The following CAMK1D variants were observed in gnomAD, a reference collection of about 807,000 sequenced individuals.
The protein encoded by CAMK1D is calcium/calmodulin-dependent protein kinase type 1D.
In CAMK1D, 9 loss-of-function variants were observed where a neutral mutation model predicts 47.7. The observed-to-expected ratio is 0.19, with a 90% CI of 0.11 to 0.33. The LOEUF (loss-of-function observed/expected upper bound fraction) is 0.33. CAMK1D is among the 10% of genes least tolerant of loss of function. The pLI is 1.00. For missense variants in CAMK1D, 291 were observed against 488.7 expected (o/e 0.60, Z 3.81); for synonymous variants, 184 against 184.9 (o/e 0.99, Z 0.04).
At chr10:12,741,293 T>A (rs1835415376) in intron 3 of CAMK1D, among the ~76,000 whole-genome samples, 1 of 152,198 alleles carries the variant, frequency 6.6e-6, no homozygotes, top group Non-Finnish European at 1.5e-5. Context: ...GACCACATGC[T>A]CTTGTAACAG....
intron 6 of CAMK1D, among the ~76,000 whole-genome samples, chr10:12,796,912 A>T (rs924558459): frequency 3.5e-4 from 54 of 152,314 alleles, no homozygotes; most frequent in African/African-American, 1.2e-3. Context: ...AAAAGACTGG[A>T]CTGTCCACTT....
At chr10:12,721,350 G>A (rs1260071010) in intron 3 of CAMK1D, among the ~76,000 whole-genome samples, 4 of 152,148 alleles carry the variant, frequency 2.6e-5, no homozygotes, top group Non-Finnish European at 5.9e-5. Flanking sequence ...ACACCTTCTG[G>A]AACTCCATAC....
intron 3 of CAMK1D, among the ~76,000 whole-genome samples, chr10:12,710,905 AATC>A (rs1396608637): frequency 6.5e-4 from 99 of 152,334 alleles, no homozygotes; most frequent in African/African-American, 2.4e-3. Context: ...ACATTTGATC[AATC>A]ACTATTGGAG....
intron 1 of CAMK1D, among the ~76,000 whole-genome samples, chr10:12,424,450 C>T (rs111361017): frequency 2.0e-5 from 3 of 152,162 alleles, no homozygotes; most frequent in African/African-American, 7.2e-5. Context: ...ATCTCTTGAC[C>T]CTACCTATTT....
chr10:12,830,338 T>C lies in CAMK1D; in HGVS notation c.*1451T>C, dbSNP rs568337393. On this transcript the variant is annotated 3_prime_UTR_variant, in exon 11 of 11. Transcript: ENST00000619168. ...GCAGCCTTGGGAAAGGATCCATTTC[T>C]GGTGGTAAGGAGAGGGGGCCCTGCC... 6.6e-6 allele frequency: 1 copy of C among 152,310 alleles called. No homozygotes were observed. Among genetic ancestry groups the C allele is most frequent in the Admixed American group, 6.5e-5 (1 of 15,292 alleles). 9.4% of individuals were successfully genotyped at this position (152,310 alleles called of 1,614,324 possible). A position where few individuals can be genotyped will look rare whatever the true frequency, so the allele number is the denominator to read the frequency against.
chr10:12,616,890 C>T (rs7912882), intron 2 of CAMK1D, among the ~76,000 whole-genome samples: 53,072 of 152,040 alleles, frequency 0.35, 11,682 homozygotes, highest in Non-Finnish European at 0.46. Flanking sequence ...GTCTTGAGTC[C>T]ATACATTATA....
intron 2 of CAMK1D, among the ~76,000 whole-genome samples, chr10:12,638,067 G>A (rs1433259649): frequency 6.6e-6 from 1 of 152,154 alleles, no homozygotes; most frequent in Non-Finnish European, 1.5e-5. Flanking sequence ...CTTGTATTAG[G>A]AGGGGCCTCA....
At chr10:12,741,418 T>C (rs1272593837) in intron 3 of CAMK1D, among the ~76,000 whole-genome samples, 1 of 152,190 alleles carries the variant, frequency 6.6e-6, no homozygotes, top group Non-Finnish European at 1.5e-5. Context: ...TGAACCAGGC[T>C]CCTGACCCTG....
In CAMK1D at chr10:12,621,980, A is replaced by G. The variant is rs182932928; in HGVS notation, c.225-44756A>G. On this transcript the variant is annotated intron_variant, in intron 2 of 10. Transcript: ENST00000619168. ...GGTTTCCCACTAGGCTTCCATGGTC[A>G]CCTGCTCGGGGAGCTCCTTCCCACT... Among the ~76,000 whole-genome samples the G allele has an allele frequency of 3.9e-3, 599 of 152,222 alleles. 2 individuals carry two copies. Among genetic ancestry groups the G allele is most frequent in the Non-Finnish European group, 7.3e-3 (495 of 68,012 alleles).
chr10:12,583,788 ATGGGGT>A (rs982427399), intron 2 of CAMK1D, among the ~76,000 whole-genome samples: 3 of 151,856 alleles, frequency 2.0e-5, no homozygotes, highest in African/African-American at 7.3e-5. Flanking sequence ...TTTAGTAGAG[ATGGGGT>A]TTCACCACGT....
intron 1 of CAMK1D, among the ~76,000 whole-genome samples, chr10:12,428,890 A>C (rs1840342773): frequency 6.6e-6 from 1 of 152,230 alleles, no homozygotes; most frequent in African/African-American, 2.4e-5. Flanking sequence ...TACAGCAAGA[A>C]GGTGGCTGTC....
intron 2 of CAMK1D, among the ~76,000 whole-genome samples, chr10:12,660,895 T>C (rs1362509448): frequency 1.3e-5 from 2 of 152,246 alleles, no homozygotes; most frequent in Admixed American, 6.5e-5. Flanking sequence ...GGCCATACTT[T>C]GGAAAGAGTG....
chr10:12,388,411 C>T (rs1459976421), intron 1 of CAMK1D, among the ~76,000 whole-genome samples: 1 of 152,168 alleles, frequency 6.6e-6, no homozygotes, highest in Non-Finnish European at 1.5e-5. Context: ...CCCCAGACTC[C>T]AGCTTCTAGA....
chr10:12,573,985 TTTAAA>T (rs1489293483), intron 2 of CAMK1D, among the ~76,000 whole-genome samples: 1 of 151,978 alleles, frequency 6.6e-6, no homozygotes, highest in Non-Finnish European at 1.5e-5. Flanking sequence ...ACCTTCTTTC[TTTAAA>T]TTATTTATAT....
At chr10:12,401,147 ATT>A (rs1344920117) in intron 1 of CAMK1D, among the ~76,000 whole-genome samples, 5 of 65,160 alleles carry the variant, frequency 7.7e-5, no homozygotes, top group African/African-American at 2.7e-4. Context: ...TTATATATAT[ATT>A]TTATATATAT....
chr10:12,522,061 A>C (rs1588585836), intron 1 of CAMK1D, among the ~76,000 whole-genome samples: 1 of 151,480 alleles, frequency 6.6e-6, no homozygotes, highest in Non-Finnish European at 1.5e-5. Flanking sequence ...AGCCATTTAC[A>C]TTTACTCTAA....
intron 1 of CAMK1D, among the ~76,000 whole-genome samples, chr10:12,471,261 T>G (rs984313877): frequency 6.6e-6 from 1 of 152,204 alleles, no homozygotes; most frequent in Admixed American, 6.5e-5. Flanking sequence ...GATCAGCCCC[T>G]GGTCTGGATC....
At chr10:12,378,945 G>A (rs952321704) in intron 1 of CAMK1D, among the ~76,000 whole-genome samples, 2 of 151,908 alleles carry the variant, frequency 1.3e-5, no homozygotes, top group African/African-American at 4.8e-5. Context: ...AGGTAGCTGG[G>A]ACTACAGGCA....
intron 1 of CAMK1D, among the ~76,000 whole-genome samples, chr10:12,463,283 G>A (rs1030571754): frequency 6.6e-6 from 1 of 151,876 alleles, no homozygotes; most frequent in Non-Finnish European, 1.5e-5. Context: ...GATTAGAGGC[G>A]CACACCACCA....
Sources: allele counts gnomAD v4.1 joint callset (sites outside exome capture counted in the v4.1 genomes callset), GRCh38; gene constraint gnomAD v4.1.1; transcripts MANE v1.5; gene names NCBI Gene and HGNC (gene_info 2026-07-23, HGNC 2026-07-21).